HDAC9: variants seen among roughly 807,000 people sequenced by gnomAD.
HDAC9 encodes the protein histone deacetylase 9, also known as MEF-2 interacting transcription repressor (MITR) protein.
In HDAC9, 41 loss-of-function variants were observed where a neutral mutation model predicts 139.4. That is an observed-to-expected ratio of 0.29 (90% CI 0.23 to 0.38). HDAC9 has a LOEUF of 0.38. HDAC9 is among the 10% of genes least tolerant of loss of function. HDAC9 has a pLI of 1.00. For missense variants in HDAC9, 1,147 were observed against 1,297.0 expected (o/e 0.88, Z 1.78); for synonymous variants, 517 against 476.2 (o/e 1.09, Z -1.12).
chr7:18,594,002 A>G lies in HDAC9; in HGVS notation c.637A>G (p.Lys213Glu). Reference protein sequence around the residue: ...KYTLPGAQDAKDDFPLRKTAS... With the variant: ...KYTLPGAQDAEDDFPLRKTAS... ...CACATTACCAGGAGCACAAGATGCA[A>G]AGGATGATTTCCCCCTTCGAAAAAC... Residue 213 changes from lysine (K) to glutamate (E), a missense_variant, in exon 6 of 26, where the codon AAG (lysine) becomes GAG (glutamate). Physicochemically the swap from Lys to Glu is moderately conservative, Grantham distance 56. This residue lies in a region of HDAC9 where 79 missense variants were observed against 65.8 expected (regional missense o/e 1.20). Coordinates refer to ENST00000686413, the MANE Select transcript of HDAC9 (RefSeq NM_178425.4). 2 of 1,612,726 alleles carry G rather than the reference A, an allele frequency of 1.2e-6. No individual in the cohort carries two copies. The highest frequency in any genetic ancestry group is 1.7e-6 in the Non-Finnish European group (2 of 1,179,030).
intron 23 of HDAC9, among the ~76,000 whole-genome samples, chr7:18,940,905 T>C (rs1585365021): frequency 2.6e-5 from 4 of 152,198 alleles, no homozygotes; most frequent in South Asian, 4.1e-4. Context: ...AGAGGACATG[T>C]AGTAGTAGAA....
At chr7:18,994,101 A>C (rs1316632462) in intron 25 of HDAC9, among the ~76,000 whole-genome samples, 1 of 152,116 alleles carries the variant, frequency 6.6e-6, no homozygotes, top group Non-Finnish European at 1.5e-5. Context: ...GAATTCACAG[A>C]TCCTCCACCA....
At chr7:18,542,693 A>G (rs964532067) in intron 2 of HDAC9, among the ~76,000 whole-genome samples, 5 of 152,198 alleles carry the variant, frequency 3.3e-5, no homozygotes, top group Admixed American at 1.3e-4. Flanking sequence ...TCATATTAAT[A>G]AGATTGTGGC....
intron 21 of HDAC9, among the ~76,000 whole-genome samples, chr7:18,837,960 T>A (rs1796345389): frequency 6.6e-6 from 1 of 152,072 alleles, no homozygotes; most frequent in African/African-American, 2.4e-5. Flanking sequence ...CTCCATTACT[T>A]GAGTTTCATT....
chr7:18,825,865 A>G (rs1795392280), intron 17 of HDAC9, among the ~76,000 whole-genome samples: 1 of 148,194 alleles, frequency 6.7e-6, no homozygotes, highest in Non-Finnish European at 1.5e-5. Context: ...CATATCGTAT[A>G]TTATGTAATT....
At chr7:18,971,906 T>A (rs1784263772) in intron 24 of HDAC9, among the ~76,000 whole-genome samples, 3 of 152,210 alleles carry the variant, frequency 2.0e-5, no homozygotes, top group Admixed American at 2.0e-4. Flanking sequence ...ATTTAAAGGA[T>A]CATTGTCAGT....
intron 6 of HDAC9, among the ~76,000 whole-genome samples, chr7:18,624,604 C>CT (rs1326125168): frequency 6.6e-6 from 1 of 152,000 alleles, no homozygotes; most frequent in Non-Finnish European, 1.5e-5. Flanking sequence ...AGCTAGTGAT[C>CT]TTTTTCTGGG....
chr7:18,766,536 G>C (rs1272270427), intron 15 of HDAC9, among the ~76,000 whole-genome samples: 2 of 152,036 alleles, frequency 1.3e-5, no homozygotes, highest in Non-Finnish European at 2.9e-5. Flanking sequence ...TGTTAGAAGT[G>C]GCCTATGGTG....
chr7:18,238,601 T>G (rs1445985956), intron 2 of HDAC9, among the ~76,000 whole-genome samples: 1 of 152,196 alleles, frequency 6.6e-6, no homozygotes, highest in Non-Finnish European at 1.5e-5. Context: ...AAGGCGTTAG[T>G]ACCACAATTT....
At chr7:18,165,774 G>A (rs1787965906) in intron 2 of HDAC9, among the ~76,000 whole-genome samples, 1 of 150,914 alleles carries the variant, frequency 6.6e-6, no homozygotes, top group African/African-American at 2.4e-5. Flanking sequence ...ATTCTAGCCT[G>A]GGCCACAGAG....
intron 1 of HDAC9, among the ~76,000 whole-genome samples, chr7:18,150,460 A>G (rs987556395): frequency 2.6e-5 from 4 of 152,220 alleles, no homozygotes; most frequent in African/African-American, 7.2e-5. Flanking sequence ...ACACACTGCA[A>G]TATTATCTTC....
chr7:18,718,476 AC>A (rs1165594296), intron 12 of HDAC9, among the ~76,000 whole-genome samples: 1 of 150,294 alleles, frequency 6.7e-6, no homozygotes, highest in Non-Finnish European at 1.5e-5. Flanking sequence ...TAGGCAATCC[AC>A]CCGCCTCGGC....
chr7:18,654,011 T>C (rs1382191261), intron 11 of HDAC9, among the ~76,000 whole-genome samples: 1 of 152,154 alleles, frequency 6.6e-6, no homozygotes, highest in East Asian at 1.9e-4. Flanking sequence ...TGTGTTGCCT[T>C]GTGAAGTGTC....
chr7:18,800,303 T>A (rs984593055), intron 17 of HDAC9, among the ~76,000 whole-genome samples: 4 of 152,152 alleles, frequency 2.6e-5, no homozygotes, highest in African/African-American at 9.7e-5. Flanking sequence ...ATAGGAAAAA[T>A]TTTTTCACTT....
At chr7:18,542,438 A>C (rs1034965183) in intron 2 of HDAC9, among the ~76,000 whole-genome samples, 2 of 152,226 alleles carry the variant, frequency 1.3e-5, no homozygotes, top group African/African-American at 4.8e-5. Context: ...TTCCTGGCAC[A>C]TAGGATGCCT....
intron 22 of HDAC9, among the ~76,000 whole-genome samples, chr7:18,932,060 A>G (rs1804793199): frequency 6.6e-6 from 1 of 152,180 alleles, no homozygotes; most frequent in African/African-American, 2.4e-5. Context: ...CAAAATGTTA[A>G]TATGGAAAGA....
intron 12 of HDAC9, among the ~76,000 whole-genome samples, chr7:18,718,781 G>C (rs528754845): frequency 6.6e-6 from 1 of 152,014 alleles, no homozygotes; most frequent in East Asian, 1.9e-4. Flanking sequence ...TTTCTTAGGT[G>C]TATACATATT....
At chr7:18,897,696 C>A (rs559985998) in intron 22 of HDAC9, among the ~76,000 whole-genome samples, 2 of 151,244 alleles carry the variant, frequency 1.3e-5, no homozygotes, top group African/African-American at 4.9e-5. Flanking sequence ...TTGGAGTCTA[C>A]TTAAAGATTT....
At chr7:18,181,576 G>A (rs1258855147) in intron 2 of HDAC9, among the ~76,000 whole-genome samples, 1 of 152,160 alleles carries the variant, frequency 6.6e-6, no homozygotes. Flanking sequence ...GCACGCATCA[G>A]CTTAAATTCA....
Sources: allele counts gnomAD v4.1 joint callset (sites outside exome capture counted in the v4.1 genomes callset), GRCh38; gene constraint gnomAD v4.1.1; regional missense constraint gnomAD v4.1.1; transcripts MANE v1.5; gene names NCBI Gene and HGNC (gene_info 2026-07-23, HGNC 2026-07-21).